SPSB1: variants seen among roughly 807,000 people sequenced by gnomAD.
SPSB1 encodes SPRY domain-containing SOCS box protein 1.
A neutral mutation model predicts 21.2 loss-of-function variants in SPSB1; 8 were observed. The ratio of observed to expected loss-of-function variants is 0.38; its 90% CI spans 0.22 to 0.68. The LOEUF (loss-of-function observed/expected upper bound fraction) is 0.68. Ranked by LOEUF, SPSB1 falls within the 30% of genes least tolerant of loss-of-function variation. The pLI is 0.53. For synonymous variants in SPSB1, 169 were observed against 161.7 expected, an observed-to-expected ratio of 1.05 and a Z score of -0.34; for missense variants, 242 against 377.8, an observed-to-expected ratio of 0.64 and a Z score of 2.98.
intron 1 of SPSB1, among the ~76,000 whole-genome samples, chr1:9,295,653 G>A (rs1444631979): frequency 1.3e-5 from 2 of 152,198 alleles, no homozygotes; most frequent in East Asian, 3.8e-4. Flanking sequence ...TGGGGGCCTA[G>A]CCCGTGGAAG....
rs902283287 is a variant in SPSB1, at chr1:9,324,187, C to T, written c.-150+31116C>T. On this transcript the variant is annotated intron_variant, in intron 1 of 2. Coordinates refer to ENST00000328089, the MANE Select transcript of SPSB1 (RefSeq NM_025106.4). This position sits in a 1 kb window ranked among gnomAD's most constrained non-coding sequence, Gnocchi z 4.3. ...TAGATAATCACTGGTTTTTCTCATC[C>T]GGCAAGTGGACACCTCTGACGCAGC... is the stretch of plus-strand genomic sequence containing the variant. 3.9e-5 allele frequency among the ~76,000 whole-genome samples: 6 copies of T among 152,156 alleles called. No individual in the cohort carries two copies. Among genetic ancestry groups the T allele is most frequent in the Admixed American group, 1.3e-4 (2 of 15,278 alleles).
In SPSB1 at chr1:9,362,358, T is replaced by C. The variant is rs75632057; in HGVS notation, c.695-5090T>C. Among the ~76,000 whole-genome samples, 1,452 of 152,356 alleles carry C rather than the reference T, an allele frequency of 9.5e-3. 51 individuals are homozygous for C. In the East Asian group the frequency reaches 0.1, roughly 11 times the overall value. On this transcript the variant is annotated intron_variant, in intron 2 of 2. Coordinates refer to ENST00000328089, the MANE Select transcript of SPSB1 (RefSeq NM_025106.4). The stretch of plus-strand genomic sequence containing the variant: ...GTGGATCTCAGGCGTCCTTCCCCAG[T>C]TGACAAGGACAAAGGCTCCACGTTG...
chr1:9,322,927 C>T (rs937490600), intron 1 of SPSB1, among the ~76,000 whole-genome samples: 1 of 148,474 alleles, frequency 6.7e-6, no homozygotes, highest in Non-Finnish European at 1.5e-5. Context: ...CTGCGTCAGA[C>T]GTCTGGGCTT....
intron 2 of SPSB1, among the ~76,000 whole-genome samples, chr1:9,362,684 C>T (rs754208907): frequency 3.3e-5 from 5 of 152,214 alleles, no homozygotes; most frequent in East Asian, 1.9e-4. Context: ...TGAAATCTCT[C>T]GGGGAACAGT....
intron 1 of SPSB1, among the ~76,000 whole-genome samples, chr1:9,351,219 A>G (rs970221998): frequency 6.6e-6 from 1 of 152,216 alleles, no homozygotes; most frequent in Non-Finnish European, 1.5e-5. Context: ...CTGGCCCCTG[A>G]TGGAAGAAGT....
chr1:9,324,877 G>A lies in SPSB1; in HGVS notation c.-149-30866G>A, dbSNP rs1273795028. Among the ~76,000 whole-genome samples, 2 of 152,230 alleles carry A rather than the reference G, an allele frequency of 1.3e-5. No individual in the cohort carries two copies. The highest frequency in any genetic ancestry group is 2.9e-5 in the Non-Finnish European group (2 of 68,040). On this transcript the variant is annotated intron_variant, in intron 1 of 2. Transcript: ENST00000328089. The surrounding 1 kb of genome is among the most constrained non-coding windows in gnomAD (Gnocchi z 4.3). ...GCCGTGGAGCCAGCACGGTCTTGTCGGATCCAGACCAGACAAATGCTTTCT... is the reference window on the plus strand; with the variant it reads ...GCCGTGGAGCCAGCACGGTCTTGTCAGATCCAGACCAGACAAATGCTTTCT...
intron 1 of SPSB1, among the ~76,000 whole-genome samples, chr1:9,323,345 G>A (rs1033426137): frequency 6.6e-6 from 1 of 152,228 alleles, no homozygotes; most frequent in Non-Finnish European, 1.5e-5. Context: ...AGCAGTGGAT[G>A]TGCCCTCCAT....
At position 9,356,233 on chromosome 1, in the gene SPSB1, G is replaced by A. The variant is rs1640360571; in HGVS notation, c.342G>A (p.Val114=). ...WAMRQRGTHA[V]VGVATADAPL... ...TGAGACAGCGGGGCACACACGCCGT[G>A]GTGGGGGTGGCGACGGCAGACGCCC... The change falls in exon 2 of 3, where the codon GTG becomes GTA. Residue 114 remains valine, a synonymous_variant. Transcript: ENST00000328089. This position sits in a 1 kb window ranked among gnomAD's most constrained non-coding sequence, Gnocchi z 7.4. 1.9e-6 allele frequency: 3 copies of A among 1,605,120 alleles called. No homozygotes were observed. Among genetic ancestry groups the A allele is most frequent in the East Asian group, 2.2e-5 (1 of 44,794 alleles).
Position 9,293,117 on chromosome 1 carries a change from C to T in SPSB1, c.-150+46C>T. The stretch of plus-strand genomic sequence containing the variant: ...GGGACCCCGATGGGTGGGCGACCGG[C>T]CCGGGAGGGGGAGGCGCGGGGGGCC... On this transcript the variant is annotated intron_variant, in intron 1 of 2. Coordinates refer to ENST00000328089, the MANE Select transcript of SPSB1 (RefSeq NM_025106.4). The surrounding 1 kb of genome is among the most constrained non-coding windows in gnomAD (Gnocchi z 5.1). 1.0e-6 allele frequency: 1 copy of T among 977,962 alleles called. No individual in the cohort carries two copies. Among genetic ancestry groups the T allele is most frequent in the East Asian group, 1.2e-4 (1 of 8,606 alleles). 60.6% of individuals were successfully genotyped at this position (977,962 alleles called of 1,614,324 possible). A position where few individuals can be genotyped will look rare whatever the true frequency, so the allele number is the denominator to read the frequency against.
At chr1:9,294,210 CTGTG>C (rs1018277740) in intron 1 of SPSB1, among the ~76,000 whole-genome samples, 5 of 150,898 alleles carry the variant, frequency 3.3e-5, no homozygotes, top group Non-Finnish European at 5.9e-5. Flanking sequence ...GTCTTTGTGT[CTGTG>C]TGTGTCTTTG....
chr1:9,319,473 A>C (rs1404599027), intron 1 of SPSB1, among the ~76,000 whole-genome samples: 1 of 151,968 alleles, frequency 6.6e-6, no homozygotes, highest in Admixed American at 6.5e-5. Flanking sequence ...GGGTGGGATG[A>C]GAGGCTCCGA....
intron 1 of SPSB1, among the ~76,000 whole-genome samples, chr1:9,327,175 G>A (rs1639829465): frequency 6.6e-6 from 1 of 152,114 alleles, no homozygotes; most frequent in Non-Finnish European, 1.5e-5. Flanking sequence ...CTAAGCCCAC[G>A]GCCTCCACAG....
intron 1 of SPSB1, among the ~76,000 whole-genome samples, chr1:9,302,320 C>T (rs906873521): frequency 1.3e-5 from 2 of 152,236 alleles, no homozygotes; most frequent in African/African-American, 4.8e-5. Context: ...TCAGTACACA[C>T]TGAGCCTGTC....
intron 1 of SPSB1, among the ~76,000 whole-genome samples, chr1:9,331,107 T>C (rs1639910132): frequency 6.6e-6 from 1 of 152,172 alleles, no homozygotes; most frequent in African/African-American, 2.4e-5. Flanking sequence ...CTCTCCCCGC[T>C]GAATGCTTGT....
At chr1:9,307,334 C>G (rs970656300) in intron 1 of SPSB1, among the ~76,000 whole-genome samples, 1 of 152,234 alleles carries the variant, frequency 6.6e-6, no homozygotes, top group Non-Finnish European at 1.5e-5. Flanking sequence ...ACTATCCCCT[C>G]TGTCTAGTTC....
Position 9,340,446 on chromosome 1 carries a change from C to G in SPSB1, c.-149-15297C>G, listed in dbSNP as rs552295190. Reference sequence around the variant, plus strand: ...GCGTTGTGTTATGAAAACGTGGGTCCCAGAGGTTTGTTTTGTTGGCAGGTC... The same window carrying G: ...GCGTTGTGTTATGAAAACGTGGGTCGCAGAGGTTTGTTTTGTTGGCAGGTC... On this transcript the variant is annotated intron_variant, in intron 1 of 2. Transcript: ENST00000328089. Among the ~76,000 whole-genome samples the G allele has an allele frequency of 5.9e-5, 9 of 152,340 alleles. No individual in the cohort carries two copies. The South Asian group carries it at 1.9e-3, about 32-fold the overall frequency.
chr1:9,337,452 A>G (rs1432025067), intron 1 of SPSB1, among the ~76,000 whole-genome samples: 1 of 150,742 alleles, frequency 6.6e-6, no homozygotes, highest in Non-Finnish European at 1.5e-5. Flanking sequence ...ACTCGTTTTA[A>G]CTTTAAGGCC....
intron 1 of SPSB1, among the ~76,000 whole-genome samples, chr1:9,340,316 C>G (rs773503679): frequency 3.9e-5 from 6 of 152,190 alleles, no homozygotes; most frequent in Admixed American, 6.5e-5. Context: ...TGTTTGGGGA[C>G]TGGCCGGAGC....
At chr1:9,337,258 G>A (rs1343023090) in intron 1 of SPSB1, among the ~76,000 whole-genome samples, 1 of 152,118 alleles carries the variant, frequency 6.6e-6, no homozygotes, top group Non-Finnish European at 1.5e-5. Flanking sequence ...CCAGCTCAAT[G>A]GCCTTCCCCC....
Sources: allele counts gnomAD v4.1 joint callset (sites outside exome capture counted in the v4.1 genomes callset), GRCh38; gene constraint gnomAD v4.1.1; non-coding constraint Gnocchi (gnomAD v3.1); transcripts MANE v1.5; gene names NCBI Gene and HGNC (gene_info 2026-07-23, HGNC 2026-07-21).